BCAS3: variants seen among roughly 807,000 people sequenced by gnomAD.
BCAS3 encodes the protein BCAS4/BCAS3 fusion.
In BCAS3, 53 loss-of-function variants were observed where a neutral mutation model predicts 116.1. That is an observed-to-expected ratio of 0.46 (90% CI 0.37 to 0.57). BCAS3 has a LOEUF of 0.57. Among genes scored for constraint, BCAS3 ranks in the 20% least tolerant of loss-of-function variants. BCAS3 has a pLI of 0.00. For missense variants in BCAS3, 917 were observed against 1,165.4 expected (o/e 0.79, Z 3.10); for synonymous variants, 391 against 408.2 (o/e 0.96, Z 0.51).
intron 7 of BCAS3, among the ~76,000 whole-genome samples, chr17:60,831,753 A>G (rs2050957450): frequency 6.6e-6 from 1 of 151,440 alleles, no homozygotes; most frequent in South Asian, 2.1e-4. Flanking sequence ...TTTTTTTTTA[A>G]ATGACAAGCC....
intron 22 of BCAS3, among the ~76,000 whole-genome samples, chr17:61,127,183 C>G (rs564644909): frequency 1.3e-5 from 2 of 152,226 alleles, no homozygotes; most frequent in Admixed American, 1.3e-4. Flanking sequence ...TCTCTATTTT[C>G]TTTCTTGTAC....
chr17:61,069,114 G>T (rs1184641549), intron 19 of BCAS3, among the ~76,000 whole-genome samples: 2 of 151,952 alleles, frequency 1.3e-5, no homozygotes, highest in Non-Finnish European at 2.9e-5. Flanking sequence ...AAAAACCAAA[G>T]AAGTGACTTG....
At chr17:61,288,072 T>C (rs531278025) in intron 22 of BCAS3, among the ~76,000 whole-genome samples, 1 of 152,336 alleles carries the variant, frequency 6.6e-6, no homozygotes, top group African/African-American at 2.4e-5. Flanking sequence ...CTGGGCTCTG[T>C]TGCTGACTTT....
intron 4 of BCAS3, chr17:60,696,237 A>G (rs1420066875): frequency 6.6e-6 from 1 of 152,188 alleles, no homozygotes; most frequent in African/African-American, 2.4e-5. Flanking sequence ...TTGATGGAGG[A>G]TAAGATTAGT....
At chr17:61,022,797 A>G (rs956745334) in intron 16 of BCAS3, among the ~76,000 whole-genome samples, 1 of 151,840 alleles carries the variant, frequency 6.6e-6, no homozygotes, top group African/African-American at 2.4e-5. Flanking sequence ...ATATCACCGC[A>G]CCCGGCTGAT....
intron 22 of BCAS3, among the ~76,000 whole-genome samples, chr17:61,191,913 T>A (rs2080154384): frequency 6.6e-6 from 1 of 151,754 alleles, no homozygotes; most frequent in South Asian, 2.1e-4. Flanking sequence ...AAGAAGCACA[T>A]AGGTAGAAAA....
At chr17:60,799,528 T>TTTTG (rs2047531388) in intron 6 of BCAS3, among the ~76,000 whole-genome samples, 1 of 127,622 alleles carries the variant, frequency 7.8e-6, no homozygotes, top group African/African-American at 3.5e-5. Context: ...GTGTTTGTTT[T>TTTTG]TTTTTTTTTT....
chr17:60,743,501 A>ATATC (rs2041772756), intron 5 of BCAS3, among the ~76,000 whole-genome samples: 1 of 149,728 alleles, frequency 6.7e-6, no homozygotes, highest in Admixed American at 6.6e-5. Context: ...ACCTCTTGAT[A>ATATC]AAGTTTGCTA....
chr17:60,678,593 A>C (rs1284869486), intron 1 of BCAS3, among the ~76,000 whole-genome samples: 1 of 152,152 alleles, frequency 6.6e-6, no homozygotes, highest in Non-Finnish European at 1.5e-5. Context: ...ACAACGTATT[A>C]GTTTATGTTA....
intron 6 of BCAS3, among the ~76,000 whole-genome samples, chr17:60,761,368 C>T (rs140010736): frequency 2.0e-5 from 3 of 152,160 alleles, no homozygotes; most frequent in African/African-American, 7.2e-5. Flanking sequence ...CCCCATGCCC[C>T]CACTCCACGA....
intron 6 of BCAS3, among the ~76,000 whole-genome samples, chr17:60,768,496 C>T (rs2044335129): frequency 6.6e-6 from 1 of 152,218 alleles, no homozygotes; most frequent in African/African-American, 2.4e-5. Context: ...ACTCCAGGTT[C>T]TTCAGTTTTG....
chr17:60,833,773 G>C (rs2051140834), intron 7 of BCAS3, among the ~76,000 whole-genome samples: 1 of 152,104 alleles, frequency 6.6e-6, no homozygotes. Context: ...ATCCACATTT[G>C]ATATAATAGA....
intron 22 of BCAS3, among the ~76,000 whole-genome samples, chr17:61,210,008 A>G (rs1242407630): frequency 6.6e-6 from 1 of 152,200 alleles, no homozygotes; most frequent in Non-Finnish European, 1.5e-5. Context: ...CTTCTTAAAG[A>G]GGCTGAACAG....
intron 23 of BCAS3, chr17:61,382,860 C>G (rs749691368): frequency 6.6e-6 from 1 of 152,310 alleles, no homozygotes; most frequent in Non-Finnish European, 1.5e-5. Context: ...ACCATTCTGC[C>G]TGGATTTGGA....
chr17:61,382,733 T>C (rs1390181763), intron 23 of BCAS3: 1 of 150,534 alleles, frequency 6.6e-6, no homozygotes, highest in Non-Finnish European at 1.5e-5. Flanking sequence ...AAAATTGGCA[T>C]AGGGGAAGGT....
At chr17:61,022,332 C>G (rs1458218935) in intron 16 of BCAS3, among the ~76,000 whole-genome samples, 1 of 152,160 alleles carries the variant, frequency 6.6e-6, no homozygotes, top group East Asian at 1.9e-4. Flanking sequence ...TCACTGCAAG[C>G]TCCGCCTCCT....
At chr17:61,218,825 GC>G (rs1164081767) in intron 22 of BCAS3, among the ~76,000 whole-genome samples, 1 of 152,154 alleles carries the variant, frequency 6.6e-6, no homozygotes, top group Non-Finnish European at 1.5e-5. Context: ...AATTATCATT[GC>G]CGCTTATGTC....
At chr17:60,974,985 TTTTTTGCTTTTTTG>T (rs2062213201) in intron 14 of BCAS3, among the ~76,000 whole-genome samples, 1 of 138,314 alleles carries the variant, frequency 7.2e-6, no homozygotes, top group African/African-American at 3.5e-5. Context: ...TTTTTTTGTT[TTTTTTGCTTTTTTG>T]TTTTTTTTTT....
At chr17:60,706,425 G>A (rs566823009) in intron 4 of BCAS3, among the ~76,000 whole-genome samples, 15 of 151,940 alleles carry the variant, frequency 9.9e-5, no homozygotes, top group South Asian at 8.3e-4. Flanking sequence ...CTGTATATTC[G>A]AAGAATACAG....
Sources: allele counts gnomAD v4.1 joint callset (sites outside exome capture counted in the v4.1 genomes callset), GRCh38; gene constraint gnomAD v4.1.1; transcripts MANE v1.5; gene names NCBI Gene and HGNC (gene_info 2026-07-23, HGNC 2026-07-21).